SARDH: variants seen among roughly 807,000 people sequenced by gnomAD.
SARDH encodes sarcosine dehydrogenase, mitochondrial.
Under a neutral mutation model 109.1 loss-of-function variants are expected in SARDH, and 95 were observed. The ratio of observed to expected loss-of-function variants is 0.87; its 90% CI spans 0.74 to 1.03. SARDH has a LOEUF of 1.03. Ranked by LOEUF, SARDH falls within the 50% of genes least tolerant of loss-of-function variation. The pLI is 0.00. For missense variants in SARDH, 1,267 were observed against 1,287.8 expected (o/e 0.98, Z 0.25); for synonymous variants, 572 against 534.8 (o/e 1.07, Z -0.96).
At position 133,718,055 on chromosome 9, in the gene SARDH, A is replaced by G. The variant is rs2131465900; in HGVS notation, c.1021-600T>C. Among the ~76,000 whole-genome samples, 1 of 152,174 alleles carries G rather than the reference A, an allele frequency of 6.6e-6. No individual in the cohort carries two copies. The highest frequency in any genetic ancestry group is 2.1e-4 in the South Asian group (1 of 4,812). The stretch of plus-strand genomic sequence containing the variant: ...TATTCAGTGCGCGATCATCTTCCAG[A>G]ATTTCATTCCTTGTTCATTTGTTTG... On this transcript the variant is annotated intron_variant, in intron 7 of 20. Transcript: ENST00000439388. The surrounding 1 kb of genome is among the most constrained non-coding windows in gnomAD (Gnocchi z 4.2).
rs1360116478 is a variant in SARDH, at chr9:133,728,167, AG to A, written c.915+1597del. Among the ~76,000 whole-genome samples the A allele has an allele frequency of 1.3e-5, 2 of 152,188 alleles. No homozygotes were observed. The highest frequency in any genetic ancestry group is 4.8e-5 in the African/African-American group (2 of 41,448). Reference sequence around the variant, plus strand: ...GTGAGAGGCTCATTCTATGAACAAGAGGTCTTGTGTCCAGTGGGGCGTGGCT... The same window carrying A: ...GTGAGAGGCTCATTCTATGAACAAGAGTCTTGTGTCCAGTGGGGCGTGGCT... On this transcript the variant is annotated intron_variant, in intron 6 of 20. Transcript: ENST00000439388. This position sits in a 1 kb window ranked among gnomAD's most constrained non-coding sequence, Gnocchi z 5.0.
rs767266720 is a variant in SARDH, at chr9:133,730,122, G to C, written c.756C>G (p.Val252=). The C allele has an allele frequency of 1.1e-5, 17 of 1,614,018 alleles. No homozygotes were observed. Among genetic ancestry groups the C allele is most frequent in the Non-Finnish European group, 4.2e-6 (5 of 1,180,020 alleles). ...VWTDDFGVRR[V]AGVETQHGSI... is the part of the protein sequence containing the mutation. ...AACCATGCTGAGTCTCCACACCCGC[G>C]ACCCGCCGCACCCCAAAATCATCCG... Residue 252 remains valine, a synonymous_variant, in exon 5 of 21, where the codon GTC becomes GTG. Coordinates refer to ENST00000439388, the MANE Select transcript of SARDH (RefSeq NM_001134707.2).
rs1341928809 is a variant in SARDH, at chr9:133,718,664, C to T, written c.1020+274G>A. 2.6e-6 allele frequency: 2 copies of T among 779,294 alleles called. No individual in the cohort carries two copies. Among genetic ancestry groups the T allele is most frequent in the Non-Finnish European group, 4.8e-6 (2 of 417,972 alleles). The allele number at this position is 779,294 out of a possible 1,614,324, so 48.3% of individuals were successfully genotyped here. Reference sequence around the variant, plus strand: ...GACGTAGGACTTGTGTGCTCTCATGCCCTTCTGAGGTCATCACTCCACACT... The same window carrying T: ...GACGTAGGACTTGTGTGCTCTCATGTCCTTCTGAGGTCATCACTCCACACT... On this transcript the variant is annotated intron_variant, in intron 7 of 20. Coordinates refer to ENST00000439388, the MANE Select transcript of SARDH (RefSeq NM_001134707.2). This position sits in a 1 kb window ranked among gnomAD's most constrained non-coding sequence, Gnocchi z 4.2.
chr9:133,706,336 A>G (rs1831696040), intron 11 of SARDH, among the ~76,000 whole-genome samples: 1 of 152,246 alleles, frequency 6.6e-6, no homozygotes, highest in Non-Finnish European at 1.5e-5. Context: ...AACATGCTAC[A>G]GGAATGAAGC....
Position 133,708,142 on chromosome 9 carries a change from G to T in SARDH, c.1470+145C>A, listed in dbSNP as rs114270749. 272 of 922,720 alleles carry T rather than the reference G, an allele frequency of 2.9e-4. 2 individuals are homozygous for T. In the East Asian group the frequency reaches 6.1e-3, roughly 21 times the overall value. 57.2% of individuals were successfully genotyped at this position (922,720 alleles called of 1,614,324 possible). A position where few individuals can be genotyped will look rare whatever the true frequency, so the allele number is the denominator to read the frequency against. On this transcript the variant is annotated intron_variant, in intron 11 of 20. Coordinates refer to ENST00000439388, the MANE Select transcript of SARDH (RefSeq NM_001134707.2). The stretch of plus-strand genomic sequence containing the variant: ...ACTGTGCCCAACACATGGGGGTGCC[G>T]GGTTACTACCTGGGGAATGACAGAC...
At position 133,713,029 on chromosome 9, in the gene SARDH, C is replaced by T. The variant is rs763252196; in HGVS notation, c.1237+9G>A. 6.2e-6 allele frequency: 10 copies of T among 1,607,290 alleles called. No individual in the cohort carries two copies. The highest frequency in any genetic ancestry group is 2.2e-5 in the East Asian group (1 of 44,724). ...CTTGGGGGCCAGGAGGGCTGCTGCC[C>T]GGACTCACCTGCGCTGTTGAAGCCA... On this transcript the variant is annotated intron_variant, in intron 9 of 20. Coordinates refer to ENST00000439388, the MANE Select transcript of SARDH (RefSeq NM_001134707.2).
chr9:133,667,314 C>A (rs1830111471), intron 19 of SARDH, among the ~76,000 whole-genome samples: 1 of 151,242 alleles, frequency 6.6e-6, no homozygotes, highest in Non-Finnish European at 1.5e-5. Context: ...TTACAGGCAC[C>A]CACCACCATG....
In SARDH at chr9:133,670,573, G is replaced by T; in HGVS notation, c.2495+11C>A. 6.4e-7 allele frequency: 1 copy of T among 1,566,648 alleles called. No homozygotes were observed. The highest frequency in any genetic ancestry group is 2.4e-5 in the East Asian group (1 of 42,204). ...TGCTTCCGGGTGGGCGTGGAACAGC[G>T]GGATACTCACTCCTCCATGGTGAAG... On this transcript the variant is annotated intron_variant, in intron 19 of 20. Coordinates refer to ENST00000439388, the MANE Select transcript of SARDH (RefSeq NM_001134707.2).
chr9:133,670,566 G>A lies in SARDH; in HGVS notation c.2495+18C>T. On this transcript the variant is annotated intron_variant, in intron 19 of 20. Coordinates refer to ENST00000439388, the MANE Select transcript of SARDH (RefSeq NM_001134707.2). Reference sequence around the variant, plus strand: ...AGGCAGTTGCTTCCGGGTGGGCGTGGAACAGCGGGATACTCACTCCTCCAT... The same window carrying A: ...AGGCAGTTGCTTCCGGGTGGGCGTGAAACAGCGGGATACTCACTCCTCCAT... 1 of 1,562,778 alleles carries A rather than the reference G, an allele frequency of 6.4e-7. No individual in the cohort carries two copies. The highest frequency in any genetic ancestry group is 1.2e-5 in the South Asian group (1 of 84,960).
chr9:133,660,688 G>T (rs1019019691), downstream of SARDH, among the ~76,000 whole-genome samples: 2 of 152,058 alleles, frequency 1.3e-5, no homozygotes, highest in African/African-American at 4.8e-5. Flanking sequence ...GCCTCCCAGG[G>T]GGCAGGGACT....
In SARDH at chr9:133,709,285, G is replaced by A. The variant is rs1831824393; in HGVS notation, c.1329-857C>T. Among the ~76,000 whole-genome samples the A allele has an allele frequency of 1.3e-5, 2 of 152,192 alleles. No individual in the cohort carries two copies. Among genetic ancestry groups the A allele is most frequent in the South Asian group, 4.1e-4 (2 of 4,834 alleles). On this transcript the variant is annotated intron_variant, in intron 10 of 20. Transcript: ENST00000439388. This position sits in a 1 kb window ranked among gnomAD's most constrained non-coding sequence, Gnocchi z 4.2. Reference sequence around the variant, plus strand: ...CTAGGCCTCTGCTGCCCCTGAGTGGGCAGAGCAATCAGTGCCCCGCGGCTT... The same window carrying A: ...CTAGGCCTCTGCTGCCCCTGAGTGGACAGAGCAATCAGTGCCCCGCGGCTT...
chr9:133,685,938 G>T (rs1830869188), intron 16 of SARDH, among the ~76,000 whole-genome samples: 1 of 152,172 alleles, frequency 6.6e-6, no homozygotes, highest in African/African-American at 2.4e-5. Context: ...TGCCTGACAT[G>T]GGTGTGAGAC....
Position 133,680,696 on chromosome 9 carries a change from C to T in SARDH, c.2163+4497G>A, listed in dbSNP as rs56024668. 2.3e-3 allele frequency among the ~76,000 whole-genome samples: 351 copies of T among 152,328 alleles called. 1 individual carries two copies. Among genetic ancestry groups the T allele is most frequent in the Non-Finnish European group, 3.7e-3 (251 of 68,032 alleles). On this transcript the variant is annotated intron_variant, in intron 17 of 20. Coordinates refer to ENST00000439388, the MANE Select transcript of SARDH (RefSeq NM_001134707.2). ...CATGGGATCTGGACCCACCGGCCAC[C>T]CAGCAACTTCAAGCTCCTGAGGGCC... is the stretch of plus-strand genomic sequence containing the variant.
intron 3 of SARDH, 43 bp downstream of exon 3, chr9:133,732,380 C>T: frequency 2.5e-6 from 2 of 815,558 alleles, no homozygotes; most frequent in Non-Finnish European, 3.9e-6. Context: ...GTGCACCCAC[C>T]CACCCAAGCC....
chr9:133,720,078 C>T (rs1474317933), intron 6 of SARDH, among the ~76,000 whole-genome samples: 2 of 151,070 alleles, frequency 1.3e-5, no homozygotes, highest in African/African-American at 4.9e-5. Flanking sequence ...CCACTGCACT[C>T]CAGCCTGGGT....
At position 133,686,884 on chromosome 9, in the gene SARDH, G is replaced by A. The variant is rs927003466; in HGVS notation, c.2070-1598C>T. On this transcript the variant is annotated intron_variant, in intron 16 of 20. Transcript: ENST00000439388. The surrounding 1 kb of genome is among the most constrained non-coding windows in gnomAD (Gnocchi z 4.0). Reference sequence around the variant, plus strand: ...CCAAGCCCTGGAGAGTGATACCAGTGCCTCAGACCTGACAAGCACATGCTC... The same window carrying A: ...CCAAGCCCTGGAGAGTGATACCAGTACCTCAGACCTGACAAGCACATGCTC... 6.6e-6 allele frequency among the ~76,000 whole-genome samples: 1 copy of A among 152,178 alleles called. No homozygotes were observed. The highest frequency in any genetic ancestry group is 1.5e-5 in the Non-Finnish European group (1 of 68,028).
chr9:133,702,277 G>A (rs775024806), intron 13 of SARDH, among the ~76,000 whole-genome samples: 1 of 152,224 alleles, frequency 6.6e-6, no homozygotes, highest in African/African-American at 2.4e-5. Flanking sequence ...TGCTGCGGGG[G>A]AGAAGACCCC....
At position 133,666,940 on chromosome 9, in the gene SARDH, G is replaced by T. The variant is rs1340139798; in HGVS notation, c.2496-70C>A. ...GTGGGGACGCGTCCACAGCGGCCTG[G>T]AGGAGAATGGGGGGCTGCATGATGC... On this transcript the variant is annotated intron_variant, in intron 19 of 20. Coordinates refer to ENST00000439388, the MANE Select transcript of SARDH (RefSeq NM_001134707.2). The surrounding 1 kb of genome is among the most constrained non-coding windows in gnomAD (Gnocchi z 5.2). 1.3e-6 allele frequency: 2 copies of T among 1,585,410 alleles called. No individual in the cohort carries two copies.
chr9:133,702,907 G>C lies in SARDH; in HGVS notation c.1668+9C>G. The C allele has an allele frequency of 6.2e-7, 1 of 1,609,800 alleles. No individual in the cohort carries two copies. Among genetic ancestry groups the C allele is most frequent in the South Asian group, 1.1e-5 (1 of 90,904 alleles). ...GGACGGACCCCCACGGTGGACCCCA[G>C]CTACGCACCGTGTCGTGGTGGGGCG... On this transcript the variant is annotated intron_variant, in intron 13 of 20. Coordinates refer to ENST00000439388, the MANE Select transcript of SARDH (RefSeq NM_001134707.2).
Sources: gnomAD v4.1 joint callset for allele counts (sites outside exome capture counted in the v4.1 genomes callset) on GRCh38, gnomAD v4.1.1 for gene constraint, Gnocchi (gnomAD v3.1) non-coding constraint, MANE v1.5 for transcripts, NCBI Gene and HGNC (gene_info 2026-07-23, HGNC 2026-07-21) for gene names.